MAGI2: variants seen among roughly 807,000 people sequenced by gnomAD.
MAGI2 encodes the protein membrane associated guanylate kinase, WW and PDZ domain containing 2.
Under a neutral mutation model 133.3 loss-of-function variants are expected in MAGI2, and 35 were observed. The ratio of observed to expected loss-of-function variants is 0.26; its 90% CI spans 0.20 to 0.35. MAGI2 has a LOEUF of 0.35. Ranked by LOEUF, MAGI2 falls within the 10% of genes least tolerant of loss-of-function variation. The pLI is 1.00. For missense variants in MAGI2, 1,636 were observed against 1,863.4 expected (o/e 0.88, Z 2.25); for synonymous variants, 729 against 710.6 (o/e 1.03, Z -0.41).
At chr7:79,391,287 A>G (rs940670286) in intron 1 of MAGI2, among the ~76,000 whole-genome samples, 10 of 151,798 alleles carry the variant, frequency 6.6e-5, no homozygotes, top group African/African-American at 2.4e-4. Flanking sequence ...AATTTTGCAA[A>G]TGTAGATTAA....
chr7:78,511,831 C>T (rs1795608598), intron 4 of MAGI2, among the ~76,000 whole-genome samples: 1 of 151,456 alleles, frequency 6.6e-6, no homozygotes, highest in Admixed American at 6.6e-5. Context: ...CGCAGTGGCT[C>T]ATGCCTGTAA....
intron 2 of MAGI2, among the ~76,000 whole-genome samples, chr7:78,917,925 TG>T (rs773539129): frequency 1.3e-5 from 2 of 152,190 alleles, no homozygotes; most frequent in African/African-American, 4.8e-5. Context: ...TGAGCTTCCA[TG>T]CCCTCTTAGG....
chr7:78,776,782 T>C (rs1277730363), intron 2 of MAGI2, among the ~76,000 whole-genome samples: 1 of 152,224 alleles, frequency 6.6e-6, no homozygotes, highest in East Asian at 1.9e-4. Flanking sequence ...GATGGTCGCA[T>C]TTTTGCAAAC....
At chr7:78,079,397 T>C (rs1351283789) in intron 20 of MAGI2, among the ~76,000 whole-genome samples, 2 of 152,226 alleles carry the variant, frequency 1.3e-5, no homozygotes, top group Non-Finnish European at 2.9e-5. Context: ...AGGGAATATA[T>C]CTGATACAAA....
At chr7:78,860,723 T>C (rs1159122143) in intron 2 of MAGI2, among the ~76,000 whole-genome samples, 1 of 152,136 alleles carries the variant, frequency 6.6e-6, no homozygotes, top group African/African-American at 2.4e-5. Flanking sequence ...GTCTGTCCAT[T>C]CTCAGATCTC....
chr7:78,784,105 A>G (rs539788999), intron 2 of MAGI2, among the ~76,000 whole-genome samples: 1 of 152,284 alleles, frequency 6.6e-6, no homozygotes, highest in Admixed American at 6.5e-5. Flanking sequence ...TAACCATCCA[A>G]TTAGGTAGAT....
At chr7:78,055,762 G>T (rs536615973) in intron 21 of MAGI2, among the ~76,000 whole-genome samples, 4 of 152,246 alleles carry the variant, frequency 2.6e-5, no homozygotes, top group African/African-American at 9.6e-5. Flanking sequence ...CCAACCTTAT[G>T]ATAATGAGCT....
At chr7:79,251,767 G>A (rs1300110266) in intron 1 of MAGI2, among the ~76,000 whole-genome samples, 5 of 152,052 alleles carry the variant, frequency 3.3e-5, no homozygotes, top group Non-Finnish European at 5.9e-5. Flanking sequence ...TCAGTATATC[G>A]AAAAGACATC....
chr7:78,188,200 C>A (rs577090479), intron 12 of MAGI2, among the ~76,000 whole-genome samples: 1 of 152,056 alleles, frequency 6.6e-6, no homozygotes, highest in South Asian at 2.1e-4. Context: ...GAAATATAAA[C>A]GTTACCACAG....
intron 10 of MAGI2, 158 bp downstream of exon 10, chr7:78,255,785 G>T: frequency 1.3e-6 from 1 of 756,458 alleles, no homozygotes; most frequent in Non-Finnish European, 2.2e-6. Context: ...CAAAAACAAA[G>T]TTTCCTTTAA....
At chr7:79,127,176 G>A (rs192399121) in intron 1 of MAGI2, among the ~76,000 whole-genome samples, 46 of 152,058 alleles carry the variant, frequency 3.0e-4, no homozygotes, top group South Asian at 2.3e-3. Flanking sequence ...TATATGTGCC[G>A]CATTTTCTTA....
intron 2 of MAGI2, among the ~76,000 whole-genome samples, chr7:78,895,465 C>T (rs1452220268): frequency 1.3e-5 from 2 of 151,930 alleles, no homozygotes; most frequent in Non-Finnish European, 2.9e-5. Flanking sequence ...TGATGAAGAA[C>T]TCAAACTAGG....
At chr7:78,899,554 A>G (rs1017214046) in intron 2 of MAGI2, among the ~76,000 whole-genome samples, 1 of 152,188 alleles carries the variant, frequency 6.6e-6, no homozygotes, top group Non-Finnish European at 1.5e-5. Context: ...TAGTCAACAT[A>G]AGAGTACTTT....
At position 78,289,632 on chromosome 7, in the gene MAGI2, A is replaced by G. The variant is rs184067264; in HGVS notation, c.1409-33051T>C. 2.9e-3 allele frequency among the ~76,000 whole-genome samples: 448 copies of G among 151,946 alleles called. 1 individual carries two copies. Among genetic ancestry groups the G allele is most frequent in the Non-Finnish European group, 5.4e-3 (365 of 67,906 alleles). On this transcript the variant is annotated intron_variant, in intron 9 of 21. Transcript: ENST00000354212. ...AAGATACTCCTCGAGAAGAGCAACC[A>G]CAACCCCAACACACATAATCGTCTG... is the stretch of plus-strand genomic sequence containing the variant.
In MAGI2 at chr7:78,125,748, C is replaced by T. The variant is rs962179396; in HGVS notation, c.3513G>A (p.Leu1171=). Residue 1171 remains leucine (L), a synonymous_variant, in exon 20 of 22, where the codon TTG becomes TTA. Coordinates refer to ENST00000354212, the MANE Select transcript of MAGI2 (RefSeq NM_012301.4). The stretch of plus-strand genomic sequence containing the variant: ...CATCTTCTGCCAGTCTCAACACATA[C>T]AAATCCATTTTGTATTCCCTTCCTC... ...IRGGREYKMD[L]YVLRLAEDGP... 4.3e-6 allele frequency: 7 copies of T among 1,613,614 alleles called. No individual in the cohort carries two copies. The highest frequency in any genetic ancestry group is 5.9e-6 in the Non-Finnish European group (7 of 1,179,734).
chr7:79,014,789 G>C (rs1333066542), intron 1 of MAGI2, among the ~76,000 whole-genome samples: 2 of 152,060 alleles, frequency 1.3e-5, no homozygotes, highest in African/African-American at 4.8e-5. Context: ...CTGAAGAAAA[G>C]CCACTGTTGT....
intron 2 of MAGI2, among the ~76,000 whole-genome samples, chr7:78,676,004 AG>A (rs1814983834): frequency 1.3e-5 from 2 of 152,156 alleles, no homozygotes; most frequent in Admixed American, 1.3e-4. Context: ...AAAAGTTAAA[AG>A]GATATTGTTT....
chr7:78,949,432 G>C (rs1377639447), intron 2 of MAGI2, among the ~76,000 whole-genome samples: 3 of 152,050 alleles, frequency 2.0e-5, no homozygotes, highest in Non-Finnish European at 2.9e-5. Flanking sequence ...TTAGATTAAA[G>C]ACAAGTGAAA....
chr7:78,987,277 A>G (rs1562754631), intron 2 of MAGI2, among the ~76,000 whole-genome samples: 3 of 152,070 alleles, frequency 2.0e-5, no homozygotes, highest in Admixed American at 2.0e-4. Context: ...AGGTGTGCAA[A>G]TGAATACAAC....
Sources: gnomAD v4.1 joint callset for allele counts (sites outside exome capture counted in the v4.1 genomes callset) on GRCh38, gnomAD v4.1.1 for gene constraint, MANE v1.5 for transcripts, NCBI Gene and HGNC (gene_info 2026-07-23, HGNC 2026-07-21) for gene names.